The following ADGRL4 variants were observed in gnomAD, a reference collection of about 807,000 sequenced individuals.
ADGRL4 encodes adhesion G protein-coupled receptor L4.
A neutral mutation model predicts 74.8 loss-of-function variants in ADGRL4; 90 were observed. That is an observed-to-expected ratio of 1.20 (90% CI 1.02 to 1.43). The LOEUF (loss-of-function observed/expected upper bound fraction) is 1.43, where lower values mean the gene tolerates loss of function less well. Ranked by LOEUF, ADGRL4 falls within the 40% of genes most tolerant of loss-of-function variation. The probability of loss-of-function intolerance (pLI) is 0.00; values close to 1 mark genes in which losing one functional copy is unlikely to be tolerated. For missense variants in ADGRL4, 881 were observed against 814.3 expected (o/e 1.08, Z -1.00); for synonymous variants, 311 against 279.2 (o/e 1.11, Z -1.14).
chr1:78,944,085 CTG>C (rs1306495371), intron 3 of ADGRL4, among the ~76,000 whole-genome samples: 2 of 152,078 alleles, frequency 1.3e-5, no homozygotes, highest in Non-Finnish European at 2.9e-5. Context: ...TTTGTTTTCT[CTG>C]TATTTATGAT....
At chr1:78,963,705 A>G (rs898758436) in intron 2 of ADGRL4, among the ~76,000 whole-genome samples, 3 of 152,188 alleles carry the variant, frequency 2.0e-5, no homozygotes, top group Non-Finnish European at 4.4e-5. Context: ...ATTTTACATG[A>G]TTTCTTCATA....
intron 2 of ADGRL4, among the ~76,000 whole-genome samples, chr1:79,004,425 T>C (rs1446072467): frequency 6.6e-6 from 1 of 152,124 alleles, no homozygotes; most frequent in Non-Finnish European, 1.5e-5. Context: ...GTAAATTTGA[T>C]TATCAGATGG....
At chr1:78,907,451 A>G (rs74614218) in intron 12 of ADGRL4, among the ~76,000 whole-genome samples, 5,924 of 152,112 alleles carry the variant, frequency 0.039, 154 homozygotes, top group Middle Eastern at 0.058. Context: ...GAGAAAATCC[A>G]TAAGGTTTTT....
intron 12 of ADGRL4, among the ~76,000 whole-genome samples, chr1:78,907,529 G>A (rs953421847): frequency 6.6e-6 from 1 of 151,978 alleles, no homozygotes; most frequent in Admixed American, 6.6e-5. Flanking sequence ...ACTAACACAT[G>A]TGTAATTGTA....
intron 12 of ADGRL4, among the ~76,000 whole-genome samples, chr1:78,897,473 T>C (rs1557489755): frequency 6.6e-6 from 1 of 152,106 alleles, no homozygotes; most frequent in Non-Finnish European, 1.5e-5. Context: ...TGTTGTCTCT[T>C]CTCAGTAATT....
chr1:78,999,271 C>A (rs145861327), intron 2 of ADGRL4, among the ~76,000 whole-genome samples: 1 of 152,026 alleles, frequency 6.6e-6, no homozygotes, highest in African/African-American at 2.4e-5. Flanking sequence ...ATAAACAAAG[C>A]GCAAAATTTG....
intron 7 of ADGRL4, among the ~76,000 whole-genome samples, chr1:78,934,061 T>C (rs536807142): frequency 6.6e-6 from 1 of 152,022 alleles, no homozygotes; most frequent in Non-Finnish European, 1.5e-5. Context: ...TTCACAGAAT[T>C]AGAAAAAAAA....
At chr1:78,901,331 G>C (rs1194355150) in intron 12 of ADGRL4, among the ~76,000 whole-genome samples, 2 of 152,144 alleles carry the variant, frequency 1.3e-5, no homozygotes, top group Non-Finnish European at 2.9e-5. Flanking sequence ...CACACAGGCT[G>C]ATCTATAATT....
intron 2 of ADGRL4, among the ~76,000 whole-genome samples, chr1:78,956,187 A>G (rs1056169820): frequency 4.6e-5 from 7 of 152,242 alleles, no homozygotes; most frequent in African/African-American, 1.4e-4. Context: ...CTTTGTCTTC[A>G]TTTTTTAAAT....
intron 10 of ADGRL4, among the ~76,000 whole-genome samples, chr1:78,919,462 A>G (rs1019883135): frequency 6.6e-6 from 1 of 151,926 alleles, no homozygotes; most frequent in African/African-American, 2.4e-5. Flanking sequence ...CGTTGGCTCA[A>G]GGACTTCCGA....
At chr1:78,902,427 T>A (rs964372660) in intron 12 of ADGRL4, among the ~76,000 whole-genome samples, 6 of 152,294 alleles carry the variant, frequency 3.9e-5, no homozygotes, top group African/African-American at 1.4e-4. Context: ...GTTGCTCTTA[T>A]TATTACATTT....
intron 2 of ADGRL4, among the ~76,000 whole-genome samples, chr1:78,980,374 A>G (rs1217360620): frequency 6.6e-6 from 1 of 151,994 alleles, no homozygotes; most frequent in Admixed American, 6.6e-5. Flanking sequence ...GCTAAGAATA[A>G]GCATATAATA....
In ADGRL4 at chr1:78,940,979, A is replaced by G. The variant is rs563129443; in HGVS notation, c.326-1721T>C. Among the ~76,000 whole-genome samples, 12 of 152,320 alleles carry G rather than the reference A, an allele frequency of 7.9e-5. 1 individual carries two copies. The South Asian group carries it at 2.3e-3, about 29-fold the overall frequency. ...AGAGGTCAGCTAATAGCCCAGGCCT[A>G]AAAGGTTAGAACAGTTCTTGTTCTT... On this transcript the variant is annotated intron_variant, in intron 3 of 14. Coordinates refer to ENST00000370742, the MANE Select transcript of ADGRL4 (RefSeq NM_022159.4).
chr1:78,918,042 A>G lies in ADGRL4; in HGVS notation c.1470T>C (p.Cys490=), dbSNP rs1278079051. 1 of 1,605,576 alleles carries G rather than the reference A, an allele frequency of 6.2e-7. No homozygotes were observed. Among genetic ancestry groups the G allele is most frequent in the Admixed American group, 1.7e-5 (1 of 58,662 alleles). Residue 490 remains cysteine, a synonymous_variant, in exon 11 of 15, where the codon TGT becomes TGC. Transcript: ENST00000370742. ...GINTNTNKLF[C]SIIAGLLHYF... Reference sequence around the variant, plus strand: ...AGTGTAGCAGTCCGGCAATGATTGAACAGAAGAGCTAGAAATCAAAGAAAA... The same window carrying G: ...AGTGTAGCAGTCCGGCAATGATTGAGCAGAAGAGCTAGAAATCAAAGAAAA...
intron 2 of ADGRL4, among the ~76,000 whole-genome samples, chr1:78,961,312 T>A (rs1207012877): frequency 6.6e-6 from 1 of 152,040 alleles, no homozygotes; most frequent in Non-Finnish European, 1.5e-5. Context: ...CCAGCTAATT[T>A]TTGTATCTTT....
intron 2 of ADGRL4, among the ~76,000 whole-genome samples, chr1:78,949,805 A>G (rs1649684967): frequency 6.6e-6 from 1 of 152,186 alleles, no homozygotes; most frequent in African/African-American, 2.4e-5. Context: ...AACTATTTAG[A>G]TTAAGATGTC....
At chr1:78,962,742 AT>A (rs915900348) in intron 2 of ADGRL4, among the ~76,000 whole-genome samples, 39 of 150,708 alleles carry the variant, frequency 2.6e-4, no homozygotes, top group East Asian at 1.9e-3. Context: ...AACTTCAGTG[AT>A]TTTTTTTTTC....
At chr1:78,927,139 GTATT>G (rs777989559) in intron 7 of ADGRL4, 48 bp from the exon 8 acceptor site, 3 of 1,196,912 alleles carry the variant, frequency 2.5e-6, no homozygotes, top group South Asian at 1.3e-5. Context: ...AAAACAAAGT[GTATT>G]TAGACTCTTA....
intron 7 of ADGRL4, among the ~76,000 whole-genome samples, chr1:78,933,874 G>C (rs573293034): frequency 6.6e-6 from 1 of 152,080 alleles, no homozygotes; most frequent in South Asian, 2.1e-4. Flanking sequence ...AGCTAACAAG[G>C]GATGTGAAGG....
Sources: gnomAD v4.1 joint callset for allele counts (sites outside exome capture counted in the v4.1 genomes callset) on GRCh38, gnomAD v4.1.1 for gene constraint, MANE v1.5 for transcripts, NCBI Gene and HGNC (gene_info 2026-07-23, HGNC 2026-07-21) for gene names.